SPAM1: variants seen among roughly 807,000 people sequenced by gnomAD.
SPAM1 encodes the protein hyaluronidase PH-20.
Under a neutral mutation model 29.6 loss-of-function variants are expected in SPAM1, and 22 were observed. The observed-to-expected ratio is 0.74, with a 90% CI of 0.53 to 1.06. SPAM1 has a LOEUF of 1.06. Among genes scored for constraint, SPAM1 ranks in the 50% least tolerant of loss-of-function variants. The pLI, the probability that SPAM1 is intolerant of heterozygous loss-of-function variation, is 0.00. For synonymous variants in SPAM1, 194 were observed against 204.6 expected, an observed-to-expected ratio of 0.95 and a Z score of 0.44; for missense variants, 534 against 604.0, an observed-to-expected ratio of 0.88 and a Z score of 1.21.
intron 1 of SPAM1, among the ~76,000 whole-genome samples, chr7:123,943,827 C>G (rs1258777076): frequency 1.3e-5 from 2 of 151,976 alleles, no homozygotes; most frequent in African/African-American, 2.4e-5. Context: ...AAAGCAGAAA[C>G]CTTTATCTTT....
intron 1 of SPAM1, among the ~76,000 whole-genome samples, chr7:123,944,622 G>T (rs888029759): frequency 6.6e-6 from 1 of 152,136 alleles, no homozygotes; most frequent in Non-Finnish European, 1.5e-5. Context: ...ATTAGCCATA[G>T]GAGGTGCTTC....
chr7:123,962,977 G>C (rs1266752185), downstream of SPAM1, among the ~76,000 whole-genome samples: 1 of 151,756 alleles, frequency 6.6e-6, no homozygotes, highest in Non-Finnish European at 1.5e-5. Context: ...ATCATGCCAT[G>C]ATACCACTAT....
chr7:123,955,598 A>G (rs1792230857), intron 4 of SPAM1, among the ~76,000 whole-genome samples: 1 of 152,010 alleles, frequency 6.6e-6, no homozygotes, highest in South Asian at 2.1e-4. Flanking sequence ...CAAGGGTCCT[A>G]TCTCAGGACC....
intron 1 of SPAM1, among the ~76,000 whole-genome samples, chr7:123,935,643 C>T (rs2117027111): frequency 6.6e-6 from 1 of 152,284 alleles, no homozygotes; most frequent in African/African-American, 2.4e-5. Flanking sequence ...CTTACTAAGG[C>T]TAGTTAATTA....
intron 1 of SPAM1, among the ~76,000 whole-genome samples, chr7:123,942,274 A>G (rs1014439): frequency 0.25 from 37,412 of 152,148 alleles, 4,885 homozygotes; most frequent in East Asian, 0.42. Context: ...AGTCCAAACT[A>G]TAAGTTCAGT....
At chr7:123,945,510 C>T (rs1196341792) in intron 1 of SPAM1, among the ~76,000 whole-genome samples, 1 of 152,112 alleles carries the variant, frequency 6.6e-6, no homozygotes, top group Non-Finnish European at 1.5e-5. Flanking sequence ...CTTTGGTACC[C>T]TCTAAAGCCA....
intron 5 of SPAM1, among the ~76,000 whole-genome samples, chr7:123,966,073 GA>G (rs1792420873): frequency 6.6e-6 from 1 of 151,564 alleles, no homozygotes; most frequent in African/African-American, 2.4e-5. Flanking sequence ...AAATACACAA[GA>G]AAAAAACAAA....
In SPAM1 at chr7:123,953,558, A is replaced by T. The variant is rs368917897; in HGVS notation, c.-13A>T. The T allele has an allele frequency of 7.8e-6, 12 of 1,531,542 alleles. No individual in the cohort carries two copies. Among genetic ancestry groups the T allele is most frequent in the Non-Finnish European group, 9.7e-6 (11 of 1,129,030 alleles). 94.9% of individuals were successfully genotyped at this position (1,531,542 alleles called of 1,614,324 possible). The stretch of plus-strand genomic sequence containing the variant: ...GGAAGAAATAAATGTTTTCATAGTC[A>T]TTACTCTTTACAATGGGAGTGCTAA... On this transcript the variant is annotated 5_prime_UTR_variant, in exon 3 of 5. Transcript: ENST00000682466.
intron 1 of SPAM1, among the ~76,000 whole-genome samples, chr7:123,946,936 G>A (rs1459314963): frequency 1.3e-5 from 2 of 152,100 alleles, no homozygotes; most frequent in Non-Finnish European, 2.9e-5. Flanking sequence ...TGAATTTGTA[G>A]CTAGCTTATT....
At chr7:123,945,640 G>T (rs995603238) in intron 1 of SPAM1, among the ~76,000 whole-genome samples, 2 of 152,192 alleles carry the variant, frequency 1.3e-5, no homozygotes, top group African/African-American at 4.8e-5. Flanking sequence ...AGAGGTGCCT[G>T]TGTTCTGAGT....
chr7:123,969,096 G>T lies in SPAM1; in HGVS notation c.1486-1102G>T, dbSNP rs138804365. Among the ~76,000 whole-genome samples, 910 of 152,094 alleles carry T rather than the reference G, an allele frequency of 6.0e-3. 8 individuals are homozygous for T. The highest frequency in any genetic ancestry group is 0.021 in the African/African-American group (869 of 41,524). ...AGAAAACAAAGGCTAGGGTCAAGAT[G>T]CAAACCAAGGTTGGAGTGCCCATTT... On this transcript the variant is annotated intron_variant, in intron 5 of 6. Transcript: ENST00000340011.
At chr7:123,950,171 T>A (rs1808713925) in intron 2 of SPAM1, among the ~76,000 whole-genome samples, 188 bp downstream of exon 2, 4 of 152,176 alleles carry the variant, frequency 2.6e-5, no homozygotes, top group Admixed American at 2.6e-4. Context: ...GTTAAATTAG[T>A]TAAGATTTTC....
rs139866054 is a variant in SPAM1 at position 123,970,970 on chromosome 7, A to G, written c.*49-37A>G. 3.4e-3 allele frequency: 511 copies of G among 152,130 alleles called. 4 individuals carry two copies. Among genetic ancestry groups the G allele is most frequent in the African/African-American group, 0.012 (482 of 41,516 alleles). 9.4% of individuals were successfully genotyped at this position (152,130 alleles called of 1,614,324 possible). On this transcript the variant is annotated intron_variant, in intron 6 of 6. Transcript: ENST00000340011. ...TTAAAATCCATATATGTTTCTGTTT[A>G]CTCAGCTAACTCTGTCTCATGATCA...
chr7:123,946,367 A>G (rs1418127065), intron 1 of SPAM1, among the ~76,000 whole-genome samples: 1 of 152,210 alleles, frequency 6.6e-6, no homozygotes, highest in Non-Finnish European at 1.5e-5. Flanking sequence ...TAGAAGCTCA[A>G]GCTGGTACCA....
At chr7:123,957,715 A>T (rs73226202) in intron 4 of SPAM1, among the ~76,000 whole-genome samples, 3,648 of 152,146 alleles carry the variant, frequency 0.024, 49 homozygotes, top group Middle Eastern at 0.078. Context: ...CTAGGAGAAG[A>T]TACTTTCTCA....
Position 123,953,396 on chromosome 7 carries a change from G to A in SPAM1, c.-175G>A, listed in dbSNP as rs1035655844. The A allele has an allele frequency of 1.1e-4, 50 of 472,834 alleles. No homozygotes were observed. The highest frequency in any genetic ancestry group is 1.5e-4 in the Non-Finnish European group (41 of 272,392). 29.3% of individuals were successfully genotyped at this position (472,834 alleles called of 1,614,324 possible). ...GTGATGCAACTTGAAAAACAATCCT[G>A]AAACATGAAACAAGAATAATAATAT... is the stretch of plus-strand genomic sequence containing the variant. On this transcript the variant is annotated 5_prime_UTR_variant, in exon 3 of 5. It removes the in-frame stop codon of an upstream open reading frame in the 5' UTR. Coordinates refer to ENST00000682466, the MANE Select transcript of SPAM1 (RefSeq NM_153189.3).
rs77443619 is a variant in SPAM1, at chr7:123,943,556, A to G, written c.-318-6316A>G. On this transcript the variant is annotated intron_variant, in intron 1 of 4. Transcript: ENST00000682466. ...ACTAATTACACATTTATGTAAATAT[A>G]ATTCAAAGAAGGTTAAACATTTTTT... Among the ~76,000 whole-genome samples the G allele has an allele frequency of 3.3e-3, 500 of 152,318 alleles. 2 individuals carry two copies. Among genetic ancestry groups the G allele is most frequent in the South Asian group, 5.8e-3 (28 of 4,832 alleles).
rs1326768979 is a variant in SPAM1 at position 123,959,334 on chromosome 7, G to A, written c.1045-150G>A. 5.1e-6 allele frequency: 3 copies of A among 593,160 alleles called. No individual in the cohort carries two copies. In the African/African-American group the frequency reaches 5.6e-5, roughly 11 times the overall value. The allele number at this position is 593,160 out of a possible 1,614,324, so 36.7% of individuals were successfully genotyped here. On this transcript the variant is annotated intron_variant, in intron 4 of 4. Coordinates refer to ENST00000682466, the MANE Select transcript of SPAM1 (RefSeq NM_153189.3). The stretch of plus-strand genomic sequence containing the variant: ...TACAAAAAGCAGTTGGAATAATCTT[G>A]TTGGTTAAGGTAAAAAAGAAATTAT...
At chr7:123,926,594 G>A (rs555210439) in intron 1 of SPAM1, among the ~76,000 whole-genome samples, 1 of 152,304 alleles carries the variant, frequency 6.6e-6, no homozygotes, top group East Asian at 1.9e-4. Flanking sequence ...GTCCAAGGTG[G>A]TCGGGGTACA....
Sources: allele counts gnomAD v4.1 joint callset (sites outside exome capture counted in the v4.1 genomes callset), GRCh38; gene constraint gnomAD v4.1.1; transcripts MANE v1.5; gene names NCBI Gene and HGNC (gene_info 2026-07-23, HGNC 2026-07-21).